The following SNRPE variants were observed in gnomAD, a reference collection of about 807,000 sequenced individuals.
SNRPE encodes small nuclear ribonucleoprotein polypeptide E, also known as small nuclear ribonucleoprotein E.
For missense variants in SNRPE, 53 were observed against 111.6 expected (o/e 0.48, Z 2.36); for synonymous variants, 35 against 36.7 (o/e 0.95, Z 0.17).
At chr1:203,864,199 C>T (rs1443463269) in intron 3 of SNRPE, among the ~76,000 whole-genome samples, 2 of 152,104 alleles carry the variant, frequency 1.3e-5, no homozygotes, top group Non-Finnish European at 2.9e-5. Flanking sequence ...AGTGATTCTC[C>T]CACCTCAGCC....
rs535875679 is a variant in SNRPE at position 203,870,034 on chromosome 1, G to T, written c.*102G>T. The T allele has an allele frequency of 1.5e-6, 1 of 673,866 alleles. No homozygotes were observed. Among genetic ancestry groups the T allele is most frequent in the East Asian group, 2.9e-5 (1 of 34,340 alleles). The allele number at this position is 673,866 out of a possible 1,614,324, so 41.7% of individuals were successfully genotyped here. On this transcript the variant is annotated 3_prime_UTR_variant, in exon 5 of 5. Coordinates refer to ENST00000414487, the MANE Select transcript of SNRPE (RefSeq NM_003094.4). The stretch of plus-strand genomic sequence containing the variant: ...TATTCATATTGTTTTGATTACCCTC[G>T]TGTTACTACAAGATGGCAATAAATA...
chr1:203,862,745 T>C (rs1038657058), intron 2 of SNRPE, among the ~76,000 whole-genome samples: 1 of 152,180 alleles, frequency 6.6e-6, no homozygotes, highest in African/African-American at 2.4e-5. Context: ...TTTTATAGTG[T>C]GATAACACAA....
At chr1:203,867,117 A>AC (rs1553274850) in intron 4 of SNRPE, among the ~76,000 whole-genome samples, 2 of 34,426 alleles carry the variant, frequency 5.8e-5, no homozygotes, top group Non-Finnish European at 1.3e-4. Flanking sequence ...GAAAAAAAAA[A>AC]AAAAAAAAAA....
intron 3 of SNRPE, among the ~76,000 whole-genome samples, chr1:203,864,639 G>T (rs1456814284): frequency 1.3e-5 from 2 of 152,232 alleles, no homozygotes; most frequent in South Asian, 4.1e-4. Flanking sequence ...CACTTAGGGA[G>T]GCCGAGCATG....
At chr1:203,863,574 C>T (rs1182977861) in intron 2 of SNRPE, 89 bp from the exon 3 acceptor site, 1 of 855,156 alleles carries the variant, frequency 1.2e-6, no homozygotes, top group Non-Finnish European at 2.0e-6. Flanking sequence ...CTCCCTCGGC[C>T]TCCGAAAGTG....
At chr1:203,866,099 G>A (rs1441315749) in intron 4 of SNRPE, among the ~76,000 whole-genome samples, 2 of 152,230 alleles carry the variant, frequency 1.3e-5, no homozygotes, top group Non-Finnish European at 2.9e-5. Context: ...GGGGCTGAAA[G>A]TCCGACATCA....
chr1:203,866,745 C>T (rs1489413376), intron 4 of SNRPE, among the ~76,000 whole-genome samples: 1 of 151,956 alleles, frequency 6.6e-6, no homozygotes, highest in African/African-American at 2.4e-5. Context: ...GCAATGACTT[C>T]CTGTTGCTGT....
intron 4 of SNRPE, 68 bp from the exon 5 acceptor site, chr1:203,869,809 C>G: frequency 1.8e-6 from 2 of 1,118,148 alleles, no homozygotes; most frequent in Non-Finnish European, 2.6e-6. Context: ...AAACTGGATA[C>G]AAAATTCTGA....
At chr1:203,863,823 C>T (rs2103506505) in intron 3 of SNRPE, 98 bp downstream of exon 3, 1 of 818,446 alleles carries the variant, frequency 1.2e-6, no homozygotes, top group East Asian at 2.6e-5. Context: ...AGTCAAAGAT[C>T]CAACCTAAGG....
At chr1:203,864,956 G>T in intron 3 of SNRPE, 85 bp from the exon 4 acceptor site, 1 of 1,299,236 alleles carries the variant, frequency 7.7e-7, no homozygotes, top group Non-Finnish European at 1.0e-6. Flanking sequence ...GAAGTTAGTT[G>T]GAGTTTTTAT....
At chr1:203,866,005 C>G (rs1325275028) in intron 4 of SNRPE, among the ~76,000 whole-genome samples, 1 of 149,874 alleles carries the variant, frequency 6.7e-6, no homozygotes, top group Non-Finnish European at 1.5e-5. Context: ...ATGTAAGCTT[C>G]ATTATGTAGG....
rs564988259 is a variant in SNRPE, at chr1:203,869,289, C to CTTTTTTTTTTTTTTTTTT, written c.224-571_224-554dup. On this transcript the variant is annotated intron_variant, in intron 4 of 4. Transcript: ENST00000414487. ...AGGTTTGTTTATTGTAGGATGGAGT[C>CTTTTTTTTTTTTTTTTTT]TTTTTTTTTTTTTTTTTTTTTTTTT... is the stretch of plus-strand genomic sequence containing the variant. Among the ~76,000 whole-genome samples, 13 of 66,812 alleles carry CTTTTTTTTTTTTTTTTTT rather than the reference C, an allele frequency of 1.9e-4. 1 individual carries two copies. Among genetic ancestry groups the CTTTTTTTTTTTTTTTTTT allele is most frequent in the Non-Finnish European group, 2.9e-4 (11 of 37,906 alleles). 43.8% of individuals were successfully genotyped at this position (66,812 alleles called of 152,430 possible).
At chr1:203,869,099 T>C (rs1690155207) in intron 4 of SNRPE, among the ~76,000 whole-genome samples, 1 of 152,164 alleles carries the variant, frequency 6.6e-6, no homozygotes, top group Admixed American at 6.6e-5. Context: ...TAGAATGTTA[T>C]TAATACCTGC....
At chr1:203,869,261 A>C (rs1690160054) in intron 4 of SNRPE, among the ~76,000 whole-genome samples, 1 of 144,382 alleles carries the variant, frequency 6.9e-6, no homozygotes, top group African/African-American at 2.5e-5. Context: ...TTTTGGGTAA[A>C]ACAGGTTTGT....
Position 203,865,385 on chromosome 1 carries a change from ACT to A in SNRPE, c.223+270_223+271del, listed in dbSNP as rs570469970. Among the ~76,000 whole-genome samples the A allele has an allele frequency of 2.6e-5, 4 of 152,094 alleles. No homozygotes were observed. The East Asian group carries it at 7.7e-4, about 29-fold the overall frequency. On this transcript the variant is annotated intron_variant, in intron 4 of 4. Coordinates refer to ENST00000414487, the MANE Select transcript of SNRPE (RefSeq NM_003094.4). ...TCAGTACTAATCCTCATTTTATTAA[ACT>A]CTCAACAGCATTTGGCACTGTTGGC...
rs1313393813 is a variant in SNRPE at position 203,861,642 on chromosome 1, T to C, written c.-18T>C. The stretch of plus-strand genomic sequence containing the variant: ...TCTCAGAGGCAGCGTGCGGGTGTGC[T>C]CTTTGTGAAATTCCACCATGGCGTA... On this transcript the variant is annotated 5_prime_UTR_variant, in exon 1 of 5. Transcript: ENST00000414487. The C allele has an allele frequency of 6.2e-7, 1 of 1,608,624 alleles. No homozygotes were observed. The highest frequency in any genetic ancestry group is 8.5e-7 in the Non-Finnish European group (1 of 1,174,936).
chr1:203,865,841 T>C (rs1191267569), intron 4 of SNRPE, among the ~76,000 whole-genome samples: 1 of 152,182 alleles, frequency 6.6e-6, no homozygotes, highest in Admixed American at 6.5e-5. Flanking sequence ...TATTTACTGG[T>C]CTGTTATAAA....
chr1:203,861,992 A>G, intron 1 of SNRPE: 1 of 611,262 alleles, frequency 1.6e-6, no homozygotes. Flanking sequence ...GTTTTGGGAA[A>G]CTCCAGGGGG....
intron 3 of SNRPE, 146 bp from the exon 4 acceptor site, chr1:203,864,895 A>AAAC: frequency 2.4e-6 from 1 of 413,590 alleles, no homozygotes; most frequent in South Asian, 5.1e-5. Context: ...AAAAAAAAAA[A>AAAC]AAAAAACTTT....
Sources: allele counts gnomAD v4.1 joint callset (sites outside exome capture counted in the v4.1 genomes callset), GRCh38; gene constraint gnomAD v4.1.1; transcripts MANE v1.5; gene names NCBI Gene and HGNC (gene_info 2026-07-23, HGNC 2026-07-21).